FGGY: variants seen among roughly 807,000 people sequenced by gnomAD.
FGGY encodes FGGY carbohydrate kinase domain-containing protein.
Under a neutral mutation model 71.3 loss-of-function variants are expected in FGGY, and 72 were observed. The observed-to-expected ratio is 1.01, with a 90% CI of 0.84 to 1.23. FGGY has a LOEUF of 1.23. Among genes scored for constraint, FGGY ranks in the 50% most tolerant of loss-of-function variants. The probability of loss-of-function intolerance (pLI) is 0.00; values close to 1 mark genes in which losing one functional copy is unlikely to be tolerated. For synonymous variants in FGGY, 251 were observed against 250.3 expected, an observed-to-expected ratio of 1.00 and a Z score of -0.02; for missense variants, 668 against 682.3, an observed-to-expected ratio of 0.98 and a Z score of 0.23.
intron 8 of FGGY, among the ~76,000 whole-genome samples, chr1:59,558,037 G>A (rs911569957): frequency 1.3e-5 from 2 of 152,080 alleles, no homozygotes; most frequent in African/African-American, 2.4e-5. Context: ...AGGCTCATAC[G>A]CTGCCCCCAC....
At chr1:59,661,980 A>C (rs145563165) in intron 12 of FGGY, among the ~76,000 whole-genome samples, 5,518 of 147,232 alleles carry the variant, frequency 0.037, 210 homozygotes, top group African/African-American at 0.1. Context: ...CGGCCTCCCA[A>C]AGTGCTGGGA....
At chr1:59,313,742 G>A (rs548338142) in intron 1 of FGGY, among the ~76,000 whole-genome samples, 1 of 152,276 alleles carries the variant, frequency 6.6e-6, no homozygotes, top group African/African-American at 2.4e-5. Context: ...ACTCATAAGT[G>A]GGAGCTAAGC....
chr1:59,403,737 C>T (rs1246046980), intron 5 of FGGY, among the ~76,000 whole-genome samples: 9 of 152,326 alleles, frequency 5.9e-5, no homozygotes, highest in African/African-American at 2.2e-4. Flanking sequence ...ACACAAAGTC[C>T]TCACGTGCTT....
At chr1:59,377,827 G>A (rs538560985) in intron 4 of FGGY, among the ~76,000 whole-genome samples, 1 of 152,208 alleles carries the variant, frequency 6.6e-6, no homozygotes, top group East Asian at 1.9e-4. Context: ...AGGCAGAAGT[G>A]GCAAAGTAAA....
At chr1:59,738,269 A>C (rs1361708862) in intron 14 of FGGY, among the ~76,000 whole-genome samples, 2 of 152,236 alleles carry the variant, frequency 1.3e-5, no homozygotes, top group Non-Finnish European at 2.9e-5. Flanking sequence ...TGGTGAGATT[A>C]CAAAAATCAT....
chr1:59,534,232 C>T lies in FGGY; in HGVS notation c.800-19892C>T, dbSNP rs530087028. 2.5e-3 allele frequency among the ~76,000 whole-genome samples: 386 copies of T among 151,410 alleles called. 1 individual carries two copies. The highest frequency in any genetic ancestry group is 3.5e-3 in the Non-Finnish European group (238 of 67,860). On this transcript the variant is annotated intron_variant, in intron 7 of 15. Coordinates refer to ENST00000303721, the MANE Select transcript of FGGY (RefSeq NM_018291.5). ...GATCACCTAGAAGAAAGGGTATCAG[C>T]GATGGAAGATGAGATGAATGAAATG... is the stretch of plus-strand genomic sequence containing the variant.
chr1:59,408,216 A>G (rs2063053618), intron 5 of FGGY, among the ~76,000 whole-genome samples: 1 of 152,194 alleles, frequency 6.6e-6, no homozygotes, highest in Non-Finnish European at 1.5e-5. Flanking sequence ...GGGACATTGC[A>G]TAAATAGCAG....
intron 6 of FGGY, among the ~76,000 whole-genome samples, chr1:59,462,065 G>C (rs1369178112): frequency 6.6e-6 from 1 of 151,328 alleles, no homozygotes; most frequent in Non-Finnish European, 1.5e-5. Flanking sequence ...CTATGAGTGA[G>C]AACATGCAGT....
intron 6 of FGGY, among the ~76,000 whole-genome samples, chr1:59,509,358 A>G (rs2094465278): frequency 6.6e-6 from 1 of 152,130 alleles, no homozygotes; most frequent in Admixed American, 6.6e-5. Flanking sequence ...CCCTAACCCC[A>G]GTCTATCCTC....
intron 5 of FGGY, among the ~76,000 whole-genome samples, chr1:59,395,643 A>C (rs76037326): frequency 0.034 from 5,153 of 152,288 alleles, 104 homozygotes; most frequent in South Asian, 0.074. Flanking sequence ...AGAGCACTTA[A>C]CATGCTGGCC....
rs530351504 is a variant in FGGY, at chr1:59,575,987, C to T, written c.903+21760C>T. 3.9e-5 allele frequency among the ~76,000 whole-genome samples: 6 copies of T among 152,250 alleles called. No individual in the cohort carries two copies. In the East Asian group the frequency reaches 9.7e-4, roughly 25 times the overall value. ...TATCATCTGCAAATTTTGCTTCTCT[C>T]TTCCCTTCTTTATATCTTCTTTTGC... On this transcript the variant is annotated intron_variant, in intron 8 of 15. Transcript: ENST00000303721.
chr1:59,395,723 A>G (rs755063866), intron 5 of FGGY, among the ~76,000 whole-genome samples: 2 of 152,170 alleles, frequency 1.3e-5, no homozygotes, highest in African/African-American at 2.4e-5. Context: ...TATGTATTAT[A>G]ATTATCATCT....
At chr1:59,388,178 A>C (rs1272240939) in intron 5 of FGGY, among the ~76,000 whole-genome samples, 1 of 152,034 alleles carries the variant, frequency 6.6e-6, no homozygotes, top group Non-Finnish European at 1.5e-5. Context: ...CGATTTGCCA[A>C]CCCTATCTCA....
chr1:59,323,220 A>G (rs2046723338), intron 2 of FGGY, among the ~76,000 whole-genome samples: 1 of 152,192 alleles, frequency 6.6e-6, no homozygotes, highest in Non-Finnish European at 1.5e-5. Flanking sequence ...AATTATCAAG[A>G]AGAAAATATA....
rs34041597 is a variant in FGGY, at chr1:59,664,939, CA to C, written c.1297-2333del. On this transcript the variant is annotated intron_variant, in intron 12 of 15. Transcript: ENST00000303721. The stretch of plus-strand genomic sequence containing the variant: ...GAATATGATACTATTATTCCCATGG[CA>C]AAAAAAAAAATGGCAATTGAGTTAT... Among the ~76,000 whole-genome samples, 765 of 144,076 alleles carry C rather than the reference CA, an allele frequency of 5.3e-3. 7 individuals are homozygous for C. Among genetic ancestry groups the C allele is most frequent in the African/African-American group, 0.013 (524 of 39,650 alleles). The allele number at this position is 144,076 out of a possible 152,430, so 94.5% of individuals were successfully genotyped here.
chr1:59,329,621 C>T (rs1261500304), intron 2 of FGGY, among the ~76,000 whole-genome samples: 1 of 152,208 alleles, frequency 6.6e-6, no homozygotes, highest in Non-Finnish European at 1.5e-5. Context: ...CCACACCTTC[C>T]TTCTGTCATG....
At chr1:59,635,132 G>C (rs2096944168) in intron 10 of FGGY, among the ~76,000 whole-genome samples, 1 of 152,116 alleles carries the variant, frequency 6.6e-6, no homozygotes, top group Admixed American at 6.5e-5. Flanking sequence ...AACCAAAAAA[G>C]GCATCATGCA....
chr1:59,590,637 G>C (rs1157849155), intron 8 of FGGY, among the ~76,000 whole-genome samples: 3 of 152,026 alleles, frequency 2.0e-5, no homozygotes, highest in Admixed American at 1.3e-4. Context: ...GTTCAATATA[G>C]GCAAATCAAT....
chr1:59,521,264 G>A (rs1218589766), intron 7 of FGGY, among the ~76,000 whole-genome samples: 1 of 152,104 alleles, frequency 6.6e-6, no homozygotes, highest in Non-Finnish European at 1.5e-5. Flanking sequence ...CATGAGCCGT[G>A]GCAACAGCTC....
Sources: gnomAD v4.1 joint callset for allele counts (sites outside exome capture counted in the v4.1 genomes callset) on GRCh38, gnomAD v4.1.1 for gene constraint, MANE v1.5 for transcripts, NCBI Gene and HGNC (gene_info 2026-07-23, HGNC 2026-07-21) for gene names.